The following KHDRBS2 variants were observed in gnomAD, a reference collection of about 807,000 sequenced individuals.
The protein encoded by KHDRBS2 is KH RNA binding domain containing, signal transduction associated 2, also known as KH domain-containing, RNA-binding, signal transduction-associated protein 2.
In KHDRBS2, 26 loss-of-function variants were observed where a neutral mutation model predicts 44.3. The observed-to-expected ratio is 0.59, with a 90% confidence interval of 0.43 to 0.81. KHDRBS2 has a LOEUF of 0.81. KHDRBS2 is among the 40% of genes least tolerant of loss of function. KHDRBS2 has a pLI of 0.00. For missense variants in KHDRBS2, 476 were observed against 433.1 expected (o/e 1.10, Z -0.88); for synonymous variants, 194 against 151.1 (o/e 1.28, Z -2.08).
At chr6:62,135,811 C>A (rs938853607) in intron 2 of KHDRBS2, among the ~76,000 whole-genome samples, 3 of 151,478 alleles carry the variant, frequency 2.0e-5, no homozygotes, top group Non-Finnish European at 4.4e-5. Context: ...GTAAAGTAAG[C>A]CAGACAAAGG....
intron 2 of KHDRBS2, among the ~76,000 whole-genome samples, chr6:62,156,274 C>A (rs1388474374): frequency 6.6e-6 from 1 of 152,046 alleles, no homozygotes; most frequent in Non-Finnish European, 1.5e-5. Flanking sequence ...AAAGTATGTA[C>A]TTTTTAATGT....
At chr6:61,814,288 C>A (rs1445787836) in intron 6 of KHDRBS2, among the ~76,000 whole-genome samples, 2 of 152,102 alleles carry the variant, frequency 1.3e-5, no homozygotes, top group Non-Finnish European at 2.9e-5. Flanking sequence ...AATGAACACA[C>A]CCCAATCTAA....
chr6:61,996,871 C>T (rs965980884), intron 3 of KHDRBS2, among the ~76,000 whole-genome samples: 14 of 150,142 alleles, frequency 9.3e-5, no homozygotes, highest in Admixed American at 2.0e-4. Context: ...GCAACCTCTG[C>T]GCCCGAGTTT....
At chr6:62,285,347 T>C (rs1232742394) in intron 1 of KHDRBS2, among the ~76,000 whole-genome samples, 1 of 152,158 alleles carries the variant, frequency 6.6e-6, no homozygotes, top group Non-Finnish European at 1.5e-5. Context: ...TTAACATACA[T>C]ATAAGAACAT....
chr6:62,090,698 AT>A (rs1799338217), intron 2 of KHDRBS2, among the ~76,000 whole-genome samples: 1 of 152,112 alleles, frequency 6.6e-6, no homozygotes, highest in African/African-American at 2.4e-5. Context: ...CAAGAGTCTG[AT>A]TTAAAAAGAA....
chr6:62,078,381 T>A (rs1009764743), intron 2 of KHDRBS2, among the ~76,000 whole-genome samples: 2 of 152,038 alleles, frequency 1.3e-5, no homozygotes, highest in African/African-American at 4.8e-5. Context: ...CATGGCTTTA[T>A]CAGAGAGGAT....
In KHDRBS2 at chr6:62,048,133, C is replaced by T. The variant is rs1372204470; in HGVS notation, c.220-139G>A. On this transcript the variant is annotated intron_variant, in intron 2 of 8. Transcript: ENST00000281156. ...CATGCCATAAACATACACACACACA[C>T]ACACACACACACACACACACACACA... 781 of 589,860 alleles carry T rather than the reference C, an allele frequency of 1.3e-3. 2 individuals are homozygous for T. In the African/African-American group the frequency reaches 0.013, roughly 10 times the overall value. 36.5% of individuals were successfully genotyped at this position (589,860 alleles called of 1,614,324 possible).
intron 6 of KHDRBS2, among the ~76,000 whole-genome samples, chr6:61,786,600 G>A (rs1473673274): frequency 1.3e-5 from 2 of 151,990 alleles, no homozygotes; most frequent in Admixed American, 6.6e-5. Flanking sequence ...GATGAACTGA[G>A]TAATCTTGAG....
At chr6:61,614,958 G>T in the KHDRBS2 span, among the ~76,000 whole-genome samples, 1 of 151,924 alleles carries the variant, frequency 6.6e-6, no homozygotes, top group Non-Finnish European at 1.5e-5. Context: ...TATAGGCTGG[G>T]CATGGTGGCT....
chr6:61,721,401 C>T (rs1195633436), intron 7 of KHDRBS2, among the ~76,000 whole-genome samples: 2 of 151,560 alleles, frequency 1.3e-5, no homozygotes, highest in African/African-American at 4.9e-5. Context: ...TTGATTCTTC[C>T]TACCCATGAG....
At chr6:61,848,562 T>TAC (rs1562295281) in intron 6 of KHDRBS2, among the ~76,000 whole-genome samples, 1 of 31,590 alleles carries the variant, frequency 3.2e-5, no homozygotes. Flanking sequence ...CATATATATA[T>TAC]GTATATATAT....
chr6:61,730,543 C>A (rs952955626), intron 7 of KHDRBS2, among the ~76,000 whole-genome samples: 3 of 151,994 alleles, frequency 2.0e-5, no homozygotes, highest in Non-Finnish European at 4.4e-5. Flanking sequence ...CAATGTAAGG[C>A]AGAGAAATAA....
At chr6:61,955,307 T>C (rs1252564145) in intron 4 of KHDRBS2, among the ~76,000 whole-genome samples, 1 of 147,008 alleles carries the variant, frequency 6.8e-6, no homozygotes, top group African/African-American at 2.5e-5. Flanking sequence ...TATACATATA[T>C]ATGTATACAT....
downstream of KHDRBS2, among the ~76,000 whole-genome samples, chr6:61,679,800 A>G (rs1766141929): frequency 6.6e-6 from 1 of 151,952 alleles, no homozygotes; most frequent in East Asian, 1.9e-4. Flanking sequence ...TGGATGGGAT[A>G]TTTAATGTGC....
chr6:62,080,153 G>T (rs569654701), intron 2 of KHDRBS2, among the ~76,000 whole-genome samples: 1 of 152,118 alleles, frequency 6.6e-6, no homozygotes, highest in South Asian at 2.1e-4. Context: ...TCAGAGACAT[G>T]TTACCTAAGG....
chr6:61,615,635 A>T, the KHDRBS2 span, among the ~76,000 whole-genome samples: 1 of 152,208 alleles, frequency 6.6e-6, no homozygotes, highest in Non-Finnish European at 1.5e-5. Flanking sequence ...TTGAAAATGT[A>T]AAATCCAAAG....
intron 3 of KHDRBS2, among the ~76,000 whole-genome samples, chr6:61,985,750 A>G (rs1217860380): frequency 6.6e-6 from 1 of 152,178 alleles, no homozygotes; most frequent in Non-Finnish European, 1.5e-5. Flanking sequence ...GGTTTCTCAC[A>G]GCTTCAGTAG....
In KHDRBS2 at chr6:61,738,421, G is replaced by C. The variant is rs374940166; in HGVS notation, c.811-5657C>G. ...TATCTGTGAAGTTATAAATTCTTTA[G>C]TTTTCTATTCTTTGAGTCAAATGAG... On this transcript the variant is annotated intron_variant, in intron 6 of 8. Coordinates refer to ENST00000281156, the MANE Select transcript of KHDRBS2 (RefSeq NM_152688.4). Among the ~76,000 whole-genome samples, 16 of 151,954 alleles carry C rather than the reference G, an allele frequency of 1.1e-4. 2 individuals are homozygous for C. Among genetic ancestry groups the C allele is most frequent in the Admixed American group, 6.6e-4 (10 of 15,216 alleles).
intron 6 of KHDRBS2, among the ~76,000 whole-genome samples, chr6:61,755,677 G>A (rs1193091702): frequency 2.0e-5 from 3 of 151,804 alleles, no homozygotes; most frequent in Non-Finnish European, 4.4e-5. Context: ...CGGGTGTGGT[G>A]GTGTGTGCCT....
Sources: gnomAD v4.1 joint callset for allele counts (sites outside exome capture counted in the v4.1 genomes callset) on GRCh38, gnomAD v4.1.1 for gene constraint, MANE v1.5 for transcripts, NCBI Gene and HGNC (gene_info 2026-07-23, HGNC 2026-07-21) for gene names.